Variants in BNC2 observed in about 807,000 individuals in gnomAD.
BNC2 encodes the protein basonuclin zinc finger protein 2.
In BNC2, 20 loss-of-function variants were observed where a neutral mutation model predicts 76.3. The ratio of observed to expected loss-of-function variants is 0.26; its 90% CI spans 0.18 to 0.38. The LOEUF is 0.38. BNC2 is among the 10% of genes least tolerant of loss of function. The pLI is 1.00. For synonymous variants in BNC2, 582 were observed against 514.8 expected, an observed-to-expected ratio of 1.13 and a Z score of -1.77; for missense variants, 1,382 against 1,399.8, an observed-to-expected ratio of 0.99 and a Z score of 0.20.
intron 1 of BNC2, among the ~76,000 whole-genome samples, chr9:16,745,547 C>A (rs1824975853): frequency 6.6e-6 from 1 of 152,168 alleles, no homozygotes; most frequent in Non-Finnish European, 1.5e-5. Flanking sequence ...ACCAGGTTCT[C>A]GCAATTCCTT....
intron 5 of BNC2, among the ~76,000 whole-genome samples, chr9:16,548,584 T>C (rs1317317902): frequency 6.6e-6 from 1 of 152,102 alleles, no homozygotes; most frequent in Non-Finnish European, 1.5e-5. Flanking sequence ...TTTTGTATTT[T>C]AGTAGAGACA....
At chr9:16,592,586 T>C (rs1819960239) in intron 3 of BNC2, among the ~76,000 whole-genome samples, 1 of 152,176 alleles carries the variant, frequency 6.6e-6, no homozygotes, top group Admixed American at 6.5e-5. Flanking sequence ...GTGATAAAAA[T>C]GTTCAGTGAT....
chr9:16,815,243 G>T (rs774485604), intron 1 of BNC2, among the ~76,000 whole-genome samples: 1 of 152,154 alleles, frequency 6.6e-6, no homozygotes, highest in Admixed American at 6.5e-5. Flanking sequence ...CAGCTGGAGT[G>T]TAGGGTAAAC....
intron 3 of BNC2, among the ~76,000 whole-genome samples, chr9:16,632,189 A>T (rs1290605199): frequency 1.3e-5 from 2 of 151,830 alleles, no homozygotes; most frequent in Non-Finnish European, 2.9e-5. Flanking sequence ...GGTAGGAACT[A>T]TTCCCTCCTT....
chr9:16,641,163 A>G (rs961424865), intron 3 of BNC2, among the ~76,000 whole-genome samples: 19 of 152,194 alleles, frequency 1.2e-4, no homozygotes, highest in Admixed American at 8.5e-4. Context: ...ATTCTCAAAG[A>G]AAGACCACTG....
intron 2 of BNC2, 102 bp from the exon 3 acceptor site, chr9:16,728,099 G>T: frequency 4.0e-6 from 3 of 748,568 alleles, no homozygotes; most frequent in Non-Finnish European, 6.7e-6. Context: ...TTGGGAAGGG[G>T]GAGATTTGGG....
rs535753614 is a variant in BNC2 at position 16,757,659 on chromosome 9, A to G, written c.4-19174T>C. Among the ~76,000 whole-genome samples, 4 of 152,102 alleles carry G rather than the reference A, an allele frequency of 2.6e-5. No homozygotes were observed. In the South Asian group the frequency reaches 8.3e-4, roughly 32 times the overall value. On this transcript the variant is annotated intron_variant, in intron 1 of 6. Coordinates refer to ENST00000380672, the MANE Select transcript of BNC2 (RefSeq NM_017637.6). ...TGACTATGTAATTTTACTGTTTCCA[A>G]CAATTATTGACTGCCTACTATATTC...
chr9:16,505,938 C>G (rs10962464), intron 5 of BNC2, among the ~76,000 whole-genome samples: 2 of 152,154 alleles, frequency 1.3e-5, no homozygotes, highest in Non-Finnish European at 2.9e-5. Flanking sequence ...TTCAAAAATT[C>G]TGGAGTACAG....
intron 5 of BNC2, among the ~76,000 whole-genome samples, chr9:16,462,189 T>A (rs1362259380): frequency 6.6e-6 from 1 of 152,208 alleles, no homozygotes; most frequent in South Asian, 2.1e-4. Context: ...CGTTCTTTAC[T>A]TTTTTATAAC....
Position 16,415,885 on chromosome 9 carries a change from G to C in BNC2, c.*3104C>G, listed in dbSNP as rs544877170. 1.3e-5 allele frequency: 2 copies of C among 152,236 alleles called. No individual in the cohort carries two copies. The highest frequency in any genetic ancestry group is 1.3e-4 in the Admixed American group (2 of 15,288). 9.4% of individuals were successfully genotyped at this position (152,236 alleles called of 1,614,324 possible). On this transcript the variant is annotated 3_prime_UTR_variant, in exon 7 of 7. Coordinates refer to ENST00000380672, the MANE Select transcript of BNC2 (RefSeq NM_017637.6). Reference sequence around the variant, plus strand: ...GAGGCACAAAAGTAGTAGCAAATAGGGGAGATACTTAAAAAGTGTCAGCTG... The same window carrying C: ...GAGGCACAAAAGTAGTAGCAAATAGCGGAGATACTTAAAAAGTGTCAGCTG...
chr9:16,732,162 A>AAAAAAAAAAAGAAAG (rs59888253), intron 2 of BNC2, among the ~76,000 whole-genome samples: 32 of 123,592 alleles, frequency 2.6e-4, no homozygotes, highest in Non-Finnish European at 4.6e-4. Flanking sequence ...TCCTGCAAAA[A>AAAAAAAAAAAGAAAG]AAAAAGAAAA....
At position 16,453,782 on chromosome 9, in the gene BNC2, C is replaced by T. The variant is rs554390349; in HGVS notation, c.670-16258G>A. Among the ~76,000 whole-genome samples, 20 of 152,264 alleles carry T rather than the reference C, an allele frequency of 1.3e-4. 1 individual carries two copies. The East Asian group carries it at 3.9e-3, about 29-fold the overall frequency. On this transcript the variant is annotated intron_variant, in intron 5 of 6. Transcript: ENST00000380672. ...CAGTGAGCTGAGATCATGCCACTTT[C>T]CCGAGTGACAGAGTAGACTCCATCT...
In BNC2 at chr9:16,698,889, C is replaced by T. The variant is rs183424098; in HGVS notation, c.330+28908G>A. On this transcript the variant is annotated intron_variant, in intron 3 of 6. Coordinates refer to ENST00000380672, the MANE Select transcript of BNC2 (RefSeq NM_017637.6). Reference sequence around the variant, plus strand: ...CATTAACAGTTCCTTGGTGATAGCCCTTCAGGCAGTTTTCTCTCTTTGAGG... The same window carrying T: ...CATTAACAGTTCCTTGGTGATAGCCTTTCAGGCAGTTTTCTCTCTTTGAGG... Among the ~76,000 whole-genome samples the T allele has an allele frequency of 3.0e-3, 455 of 152,292 alleles. 3 individuals carry two copies. Among genetic ancestry groups the T allele is most frequent in the African/African-American group, 0.011 (440 of 41,564 alleles).
At chr9:16,737,851 T>C (rs1271715816) in intron 2 of BNC2, among the ~76,000 whole-genome samples, 2 of 152,104 alleles carry the variant, frequency 1.3e-5, no homozygotes, top group African/African-American at 4.8e-5. Flanking sequence ...AGGGACACTT[T>C]TGGGGTTCAG....
chr9:16,780,465 G>C (rs1028248968), intron 1 of BNC2, among the ~76,000 whole-genome samples: 1 of 151,316 alleles, frequency 6.6e-6, no homozygotes, highest in Non-Finnish European at 1.5e-5. Context: ...CCAGCTACTC[G>C]GGAGACTGAG....
intron 3 of BNC2, among the ~76,000 whole-genome samples, chr9:16,584,052 T>C (rs1282327730): frequency 6.6e-6 from 1 of 152,240 alleles, no homozygotes; most frequent in Non-Finnish European, 1.5e-5. Context: ...ATACAGTTAA[T>C]TCTAATTTGC....
rs1351428751 is a variant in BNC2 at position 16,506,521 on chromosome 9, T to C, written c.669+46009A>G. Among the ~76,000 whole-genome samples the C allele has an allele frequency of 9.6e-3, 831 of 86,646 alleles. 59 individuals carry two copies. The South Asian group carries it at 0.19, about 20-fold the overall frequency. The allele number at this position is 86,646 out of a possible 152,430, so 56.8% of individuals were successfully genotyped here. ...CTCTCTCTCTCTCTCCTCTTTTTTT[T>C]TTTTTTTTTTTTTTTTTTTTTTTGA... On this transcript the variant is annotated intron_variant, in intron 5 of 6. Coordinates refer to ENST00000380672, the MANE Select transcript of BNC2 (RefSeq NM_017637.6).
chr9:16,569,714 T>TGCA (rs1819267238), intron 4 of BNC2, among the ~76,000 whole-genome samples: 1 of 152,222 alleles, frequency 6.6e-6, no homozygotes, highest in South Asian at 2.1e-4. Context: ...TTTGCTCTTT[T>TGCA]GCAGCAACTC....
intron 3 of BNC2, among the ~76,000 whole-genome samples, chr9:16,593,247 C>T (rs1819981129): frequency 6.6e-6 from 1 of 151,880 alleles, no homozygotes; most frequent in Admixed American, 6.6e-5. Context: ...AACTTCTGGG[C>T]ATATGTTTAT....
Sources: allele counts gnomAD v4.1 joint callset (sites outside exome capture counted in the v4.1 genomes callset), GRCh38; gene constraint gnomAD v4.1.1; transcripts MANE v1.5; gene names NCBI Gene and HGNC (gene_info 2026-07-23, HGNC 2026-07-21).